The following SYTL4 variants were observed in gnomAD, a reference collection of about 807,000 sequenced individuals.
SYTL4 encodes synaptotagmin like 4.
In SYTL4, 16 loss-of-function variants were observed where a neutral mutation model predicts 52.7. The observed-to-expected ratio is 0.30, with a 90% CI of 0.21 to 0.46. The LOEUF is 0.46. Among genes scored for constraint, SYTL4 ranks in the 20% least tolerant of loss-of-function variants. The pLI is 1.00. For missense variants in SYTL4, 423 were observed against 519.9 expected (o/e 0.81, Z 1.81); for synonymous variants, 160 against 186.6 (o/e 0.86, Z 1.16).
intron 3 of SYTL4, 104 bp from the exon 4 acceptor site, chrX:100,703,289 T>A (rs182575468): frequency 9.0e-6 from 1 of 111,669 alleles, no homozygotes; most frequent in East Asian, 2.8e-4. Context: ...CCTGTGAGGT[T>A]GAGGCTACAG....
At chrX:100,685,924 C>A (rs915400005) in intron 16 of SYTL4, 66 bp downstream of exon 16, 57 of 1,058,062 alleles carry the variant, frequency 5.4e-5, no homozygotes, top group Non-Finnish European at 6.9e-5. Flanking sequence ...CAACATAGAC[C>A]AGCAGAGGCT....
At chrX:100,694,341 C>T (rs188602174) in intron 8 of SYTL4, among the ~76,000 whole-genome samples, 17 of 111,465 alleles carry the variant, frequency 1.5e-4, no homozygotes, top group Admixed American at 1.1e-3. Flanking sequence ...CTTCCTCAGC[C>T]TCCCTTGCTC....
chrX:100,711,139 C>G (rs1421216680), intron 2 of SYTL4, among the ~76,000 whole-genome samples: 1 of 111,742 alleles, frequency 8.9e-6, no homozygotes, highest in Non-Finnish European at 1.9e-5. Context: ...CTGCTCTGGT[C>G]CTGCCTAACA....
chrX:100,700,067 T>C (rs2083816030), intron 8 of SYTL4, among the ~76,000 whole-genome samples: 1 of 111,166 alleles, frequency 9.0e-6, no homozygotes, highest in South Asian at 3.8e-4. Context: ...AGTGATTGTT[T>C]AGGGATCAGG....
In SYTL4 at chrX:100,690,613, G is replaced by A; in HGVS notation, c.667C>T (p.Leu223Phe). 8.3e-7 allele frequency: 1 copy of A among 1,205,689 alleles called. No homozygotes were observed. Among genetic ancestry groups the A allele is most frequent in the Non-Finnish European group, 1.1e-6 (1 of 891,205 alleles). ...GACATCTTCTTCCATTCTGGAAAGA[G>A]GCCAGATTTATCCAGAGAGTCTCTC... ...SRRDSLDKSGLFPEWKKMSAP... is the reference protein window; with the variant it reads ...SRRDSLDKSGFFPEWKKMSAP... Residue 223 changes from leucine (L) to phenylalanine (F), a missense_variant, in exon 10 of 20, where the codon CTC becomes TTC. By Grantham distance (22) the Leu-to-Phe change is conservative (BLOSUM62 0). Coordinates refer to ENST00000372989, the MANE Select transcript of SYTL4 (RefSeq NM_001370165.1).
At chrX:100,688,264 C>A in intron 13 of SYTL4, 87 bp downstream of exon 13, 1 of 767,139 alleles carries the variant, frequency 1.3e-6, no homozygotes. Flanking sequence ...GGATGGTTTC[C>A]CCAGGTCCCG....
chrX:100,713,180 C>G (rs776728717), intron 2 of SYTL4, among the ~76,000 whole-genome samples: 2 of 112,483 alleles, frequency 1.8e-5, no homozygotes, highest in South Asian at 3.7e-4. Flanking sequence ...CGTGGTGGCT[C>G]ACACCCACAA....
intron 8 of SYTL4, among the ~76,000 whole-genome samples, chrX:100,696,362 A>AT (rs778494005): frequency 1.8e-5 from 2 of 111,927 alleles, no homozygotes. Context: ...AGAAAAGAAA[A>AT]TTTTTTTTAA....
rs1242197902 is a variant in SYTL4, at chrX:100,702,654, G to A, written c.-71+439C>T. ...AAGTTCTTATCATACTAGCACTCTAGCACTACCTCCAGGATATCTTTCCCA... is the reference window on the plus strand; with the variant it reads ...AAGTTCTTATCATACTAGCACTCTAACACTACCTCCAGGATATCTTTCCCA... On this transcript the variant is annotated intron_variant, in intron 4 of 19. Transcript: ENST00000372989. Among the ~76,000 whole-genome samples, 7 of 111,970 alleles carry A rather than the reference G, an allele frequency of 6.3e-5. No individual in the cohort carries two copies. In the Admixed American group the frequency reaches 6.6e-4, roughly 11 times the overall value.
chrX:100,677,645 G>C (rs773082182), intron 19 of SYTL4, among the ~76,000 whole-genome samples: 25 of 112,105 alleles, frequency 2.2e-4, no homozygotes, highest in Middle Eastern at 4.6e-3. Flanking sequence ...GAAGGGGTGA[G>C]CAGTGACTTA....
intron 16 of SYTL4, 92 bp from the exon 17 acceptor site, chrX:100,681,427 G>A: frequency 1.6e-6 from 1 of 641,869 alleles, no homozygotes. Flanking sequence ...TACCCCCCAA[G>A]AACAGCATCA....
intron 2 of SYTL4, among the ~76,000 whole-genome samples, chrX:100,719,210 C>T (rs143167745): frequency 0.025 from 2,790 of 111,221 alleles, 35 homozygotes; most frequent in Non-Finnish European, 0.039. Flanking sequence ...TTATTTAGTC[C>T]TCACAATCAC....
chrX:100,731,213 C>G (rs2084637075), intron 2 of SYTL4, among the ~76,000 whole-genome samples: 1 of 111,556 alleles, frequency 9.0e-6, no homozygotes, highest in South Asian at 3.9e-4. Context: ...CTTTTTCTGC[C>G]CCATTACAAA....
At chrX:100,699,888 T>C (rs905993040) in intron 8 of SYTL4, among the ~76,000 whole-genome samples, 3 of 110,894 alleles carry the variant, frequency 2.7e-5, no homozygotes, top group African/African-American at 9.9e-5. Context: ...CATGGGGTAT[T>C]ATTTGGCTAT....
chrX:100,686,301 C>G lies in SYTL4; in HGVS notation c.1288-150G>C, dbSNP rs914302851. 1.1e-5 allele frequency: 6 copies of G among 523,438 alleles called. No homozygotes were observed. The Admixed American group carries it at 1.7e-4, about 15-fold the overall frequency. 43.1% of individuals were successfully genotyped at this position (523,438 alleles called of 1,213,427 possible). Reference sequence around the variant, plus strand: ...CCTGAGCACTTTGAGTTTCCTCACTCAAAGCCTCAACTTAACTCATTTTAT... The same window carrying G: ...CCTGAGCACTTTGAGTTTCCTCACTGAAAGCCTCAACTTAACTCATTTTAT... On this transcript the variant is annotated intron_variant, in intron 15 of 19. Coordinates refer to ENST00000372989, the MANE Select transcript of SYTL4 (RefSeq NM_001370165.1).
intron 16 of SYTL4, chrX:100,685,694 G>A: frequency 9.2e-6 from 2 of 216,478 alleles, no homozygotes; most frequent in East Asian, 8.3e-5. Flanking sequence ...GAAGAGGTGC[G>A]AGTTAGGATG....
At chrX:100,705,487 C>T (rs753155967) in intron 2 of SYTL4, among the ~76,000 whole-genome samples, 2 of 111,646 alleles carry the variant, frequency 1.8e-5, no homozygotes, top group South Asian at 7.7e-4. Context: ...AAATCAAAAG[C>T]ATTGTGGAAA....
intron 2 of SYTL4, among the ~76,000 whole-genome samples, chrX:100,722,847 T>C (rs983349699): frequency 9.0e-6 from 1 of 111,448 alleles, no homozygotes; most frequent in African/African-American, 3.3e-5. Context: ...TGCCTCACAG[T>C]TCTCTGAAAT....
intron 8 of SYTL4, among the ~76,000 whole-genome samples, chrX:100,698,225 C>T: frequency 9.1e-6 from 1 of 110,329 alleles, no homozygotes; most frequent in Non-Finnish European, 1.9e-5. Flanking sequence ...GCCTCAGTCT[C>T]CCCAGCAGCT....
Sources: allele counts gnomAD v4.1 joint callset (sites outside exome capture counted in the v4.1 genomes callset), GRCh38; gene constraint gnomAD v4.1.1; transcripts MANE v1.5; gene names NCBI Gene and HGNC (gene_info 2026-07-23, HGNC 2026-07-21).